The following SH3TC1 variants were observed in gnomAD, a reference collection of about 807,000 sequenced individuals.
SH3TC1 encodes the protein SH3 domain and tetratricopeptide repeat-containing protein 1.
A neutral mutation model predicts 117.3 loss-of-function variants in SH3TC1; 135 were observed. That is an observed-to-expected ratio of 1.15 (90% CI 1.00 to 1.33). SH3TC1 has a LOEUF of 1.33. Ranked by LOEUF, SH3TC1 falls within the 40% of genes most tolerant of loss-of-function variation. The pLI is 0.00. For missense variants in SH3TC1, 2,092 were observed against 1,794.3 expected (o/e 1.17, Z -3.00); for synonymous variants, 898 against 816.9 (o/e 1.10, Z -1.69).
chr4:8,195,956 G>A (rs1239876849), upstream of SH3TC1, among the ~76,000 whole-genome samples: 2 of 152,178 alleles, frequency 1.3e-5, no homozygotes, highest in African/African-American at 4.8e-5. Context: ...GCCCCATCCC[G>A]TGATGGGGGT....
rs1405599305 is a variant in SH3TC1, at chr4:8,206,745, G to T, written c.172+1379G>T. Among the ~76,000 whole-genome samples, 1 of 152,156 alleles carries T rather than the reference G, an allele frequency of 6.6e-6. No individual in the cohort carries two copies. The highest frequency in any genetic ancestry group is 2.4e-5 in the African/African-American group (1 of 41,430). On this transcript the variant is annotated intron_variant, in intron 2 of 17. Coordinates refer to ENST00000245105, the MANE Select transcript of SH3TC1 (RefSeq NM_018986.5). The surrounding 1 kb of genome is among the most constrained non-coding windows in gnomAD (Gnocchi z 5.5). ...CAATTTCAGATAGACATCAAAGGTG[G>T]CAAGAAATAGTACAGATAATTCCAT...
At position 8,227,134 on chromosome 4, in the gene SH3TC1, C is replaced by A; in HGVS notation, c.1440C>A (p.Pro480=). ...AASSDVSLQD[P]EEPSFCLEAE... ...CCAGCGACGTGAGCTTGCAGGACCC[C>A]GAGGAGCCCTCCTTCTGCTTGGAAG... Residue 480 remains proline, a synonymous_variant, in exon 12 of 18, where the codon CCC becomes CCA. Transcript: ENST00000245105. 1 of 1,612,064 alleles carries A rather than the reference C, an allele frequency of 6.2e-7. No individual in the cohort carries two copies. Among genetic ancestry groups the A allele is most frequent in the Non-Finnish European group, 8.5e-7 (1 of 1,179,498 alleles).
chr4:8,227,731 G>A lies in SH3TC1; in HGVS notation c.2037G>A (p.Lys679=). Residue 679 remains lysine (K), a synonymous_variant, in exon 12 of 18, where the codon AAG becomes AAA. Coordinates refer to ENST00000245105, the MANE Select transcript of SH3TC1 (RefSeq NM_018986.5). ...TGGCCAGGCACCACGTGCACCTCAA[G>A]CAGCCCGAGGAGGCCCTGCCCTTCC... ...FLLARHHVHL[K]QPEEALPFLE... 1 of 1,596,374 alleles carries A rather than the reference G, an allele frequency of 6.3e-7. No homozygotes were observed. The highest frequency in any genetic ancestry group is 1.1e-5 in the South Asian group (1 of 88,782).
At chr4:8,213,163 G>A in intron 4 of SH3TC1, 1 of 293,710 alleles carries the variant, frequency 3.4e-6, no homozygotes, top group South Asian at 6.5e-5. Context: ...CAAGTGTGAA[G>A]TTAGTCTTAT....
At position 8,209,505 on chromosome 4, in the gene SH3TC1, C is replaced by T. The variant is rs1428182040; in HGVS notation, c.173-243C>T. ...GGAACTTGAGAGCGGCGGGATCATA[C>T]GAGTCGTGTGGTCTTAAGCCTCTGA... On this transcript the variant is annotated intron_variant, in intron 2 of 17. Coordinates refer to ENST00000245105, the MANE Select transcript of SH3TC1 (RefSeq NM_018986.5). The surrounding 1 kb of genome is among the most constrained non-coding windows in gnomAD (Gnocchi z 5.9). 18 of 756,738 alleles carry T rather than the reference C, an allele frequency of 2.4e-5. No homozygotes were observed. Among genetic ancestry groups the T allele is most frequent in the East Asian group, 2.8e-5 (1 of 35,960 alleles). 46.9% of individuals were successfully genotyped at this position (756,738 alleles called of 1,614,324 possible). A position where few individuals can be genotyped will look rare whatever the true frequency, so the allele number is the denominator to read the frequency against.
At chr4:8,200,484 A>G (rs1281121) in intron 1 of SH3TC1, among the ~76,000 whole-genome samples, 123,251 of 152,206 alleles carry the variant, frequency 0.81, 50,783 homozygotes, top group East Asian at 1. Context: ...GGATGGCCAT[A>G]ATTATGTGAC....
chr4:8,208,399 G>A (rs1342605940), intron 2 of SH3TC1, among the ~76,000 whole-genome samples: 3 of 140,518 alleles, frequency 2.1e-5, no homozygotes, highest in African/African-American at 8.0e-5. Context: ...ATGGAGTCTC[G>A]CTCTGTTGCC....
At chr4:8,238,647 G>A (rs1037261039) in intron 17 of SH3TC1, among the ~76,000 whole-genome samples, 1 of 152,174 alleles carries the variant, frequency 6.6e-6, no homozygotes, top group Non-Finnish European at 1.5e-5. Context: ...GGTCAGAAGC[G>A]GTCCCTGTGG....
At chr4:8,236,054 A>C in intron 15 of SH3TC1, 1 of 543,974 alleles carries the variant, frequency 1.8e-6, no homozygotes, top group Non-Finnish European at 3.2e-6. Context: ...CCCAGGCGGG[A>C]GGGGCTGGTT....
rs186755821 is a variant in SH3TC1, at chr4:8,228,151, C to T, written c.2457C>T (p.Ala819=). 1.4e-4 allele frequency: 229 copies of T among 1,612,186 alleles called. No individual in the cohort carries two copies. The Middle Eastern group carries it at 2.0e-3, about 14-fold the overall frequency. The change falls in exon 12 of 18, where the codon GCC becomes GCT. Residue 819 remains alanine (A), a synonymous_variant. Transcript: ENST00000245105. The stretch of plus-strand genomic sequence containing the variant: ...AGGCAGTGGAAGCCAGTGCTATTGC[C>T]GGAGTCCGTGCCATCGTGGACCACC... ...MTQAVEASAI[A]GVRAIVDHLV... is the part of the protein sequence containing the mutation.
Position 8,240,702 on chromosome 4 carries a change from C to G in SH3TC1, c.3758C>G (p.Pro1253Arg), listed in dbSNP as rs200546869. Residue 1253 changes from proline (P) to arginine (R), a missense_variant, in exon 18 of 18, where the codon CCG (proline) becomes CGG (arginine). Transcript: ENST00000245105. ...AGCATGGCCTGTCCCCTTCAGGACC[C>G]GTTTGATGCAGCCGGGTACTACCAG... Reference protein sequence around the residue: ...GDIIFYDLKDPFDAAGYYQLA... With the variant: ...GDIIFYDLKDRFDAAGYYQLA... 1.2e-6 allele frequency: 2 copies of G among 1,613,848 alleles called. No individual in the cohort carries two copies. The highest frequency in any genetic ancestry group is 1.7e-5 in the Admixed American group (1 of 60,012).
intron 4 of SH3TC1, 81 bp from the exon 5 acceptor site, chr4:8,214,394 T>C (rs2152984656): frequency 7.5e-7 from 1 of 1,327,576 alleles, no homozygotes; most frequent in South Asian, 1.2e-5. Flanking sequence ...GCAAGATGTC[T>C]CTGTCATGTG....
chr4:8,237,567 A>C lies in SH3TC1; in HGVS notation c.3650A>C (p.Lys1217Thr), dbSNP rs571519965. Reference protein sequence around the residue: ...HGELAEHFYLKALSLCNSPLE... With the variant: ...HGELAEHFYLTALSLCNSPLE... ...GAGCTGGCAGAGCACTTCTACCTCA[A>C]GGCCCTGTCGCTCTGCAACTCGCCG... is the stretch of plus-strand genomic sequence containing the variant. Residue 1217 changes from lysine (K) to threonine (T), a missense_variant, in exon 17 of 18, where the codon AAG (lysine) becomes ACG (threonine). Transcript: ENST00000245105. 60 of 1,612,156 alleles carry C rather than the reference A, an allele frequency of 3.7e-5. No individual in the cohort carries two copies. The South Asian group carries it at 6.1e-4, about 16-fold the overall frequency.
chr4:8,203,558 G>C (rs1398669108), intron 1 of SH3TC1, among the ~76,000 whole-genome samples: 1 of 152,068 alleles, frequency 6.6e-6, no homozygotes, highest in Non-Finnish European at 1.5e-5. Context: ...TGTATGGTGA[G>C]ATTTTCCGTG....
intron 6 of SH3TC1, 76 bp downstream of exon 6, chr4:8,216,333 C>T: frequency 6.5e-7 from 1 of 1,545,900 alleles, no homozygotes; most frequent in Non-Finnish European, 8.7e-7. Flanking sequence ...CAGCCTGGAT[C>T]CCGCTGTGCT....
intron 1 of SH3TC1, among the ~76,000 whole-genome samples, chr4:8,191,782 G>A (rs1225096437): frequency 6.6e-6 from 1 of 152,026 alleles, no homozygotes; most frequent in Admixed American, 6.5e-5. Context: ...TAATGCCTTG[G>A]GAGGTGTGCG....
chr4:8,191,236 C>T (rs1294193265), intron 1 of SH3TC1, among the ~76,000 whole-genome samples: 1 of 152,236 alleles, frequency 6.6e-6, no homozygotes, highest in Non-Finnish European at 1.5e-5. Flanking sequence ...ACCTGCTGGG[C>T]CGCAGAGTCA....
chr4:8,212,755 GCCTACAGCA>G lies in SH3TC1; in HGVS notation c.303_311del (p.Leu102_Gln104del), dbSNP rs1464649951. The G allele has an allele frequency of 2.5e-6, 4 of 1,612,698 alleles. No individual in the cohort carries two copies. In the South Asian group the frequency reaches 4.4e-5, roughly 18 times the overall value. On this transcript the variant is annotated inframe_deletion, in exon 4 of 18. Coordinates refer to ENST00000245105, the MANE Select transcript of SH3TC1 (RefSeq NM_018986.5). ...AGGAAGAGCAGACTGCGGGACCCCG[GCCTACAGCA>G]GACCCTCCGGGGCCAGCTCCGCCTG... is the stretch of plus-strand genomic sequence containing the variant.
At position 8,214,586 on chromosome 4, in the gene SH3TC1, G is replaced by A. The variant is rs751213517; in HGVS notation, c.481+6G>A. ...TTCCACCTACCATGCTCTCGGTAAA[G>A]AGGTGACCCTCCCAGAATTGGTCAT... is the stretch of plus-strand genomic sequence containing the variant. On this transcript the variant is annotated splice_donor_region_variant and intron_variant, in intron 5 of 17. Transcript: ENST00000245105. 2 of 1,612,808 alleles carry A rather than the reference G, an allele frequency of 1.2e-6. No individual in the cohort carries two copies. Among genetic ancestry groups the A allele is most frequent in the Admixed American group, 3.3e-5 (2 of 60,016 alleles).
Sources: gnomAD v4.1 joint callset for allele counts (sites outside exome capture counted in the v4.1 genomes callset) on GRCh38, gnomAD v4.1.1 for gene constraint, Gnocchi (gnomAD v3.1) non-coding constraint, MANE v1.5 for transcripts, NCBI Gene and HGNC (gene_info 2026-07-23, HGNC 2026-07-21) for gene names.